Variants in ANKLE2 observed in about 807,000 individuals in gnomAD.
The protein encoded by ANKLE2 is ankyrin repeat and LEM domain containing 2, also known as ankyrin repeat and LEM domain-containing protein 2.
Under a neutral mutation model 84.2 loss-of-function variants are expected in ANKLE2, and 55 were observed. That is an observed-to-expected ratio of 0.65 (90% CI 0.53 to 0.82). ANKLE2 has a LOEUF of 0.82. Ranked by LOEUF, ANKLE2 falls within the 40% of genes least tolerant of loss-of-function variation. ANKLE2 has a pLI of 0.00. For synonymous variants in ANKLE2, 551 were observed against 486.1 expected (o/e 1.13, Z -1.76); for missense variants, 1,238 against 1,201.9 (o/e 1.03, Z -0.44).
At chr12:132,747,702 G>T (rs1820475055) in intron 5 of ANKLE2, 130 bp downstream of exon 5, 28 of 1,166,814 alleles carry the variant, frequency 2.4e-5, no homozygotes, top group Non-Finnish European at 3.3e-5. Flanking sequence ...GCAGGTTGCA[G>T]GGGTGTAATT....
At chr12:132,741,886 G>A (rs1010254789) in intron 6 of ANKLE2, 8 of 460,690 alleles carry the variant, frequency 1.7e-5, no homozygotes, top group African/African-American at 1.6e-4. Flanking sequence ...GGTCAAGGTG[G>A]AGCTCCTAAG....
intron 3 of ANKLE2, chr12:132,748,874 T>C (rs2044296233): frequency 6.7e-6 from 1 of 150,220 alleles, no homozygotes; most frequent in Non-Finnish European, 1.5e-5. Context: ...TATATATATA[T>C]ATATATATAC....
At chr12:132,755,252 T>C (rs1270397276) in intron 1 of ANKLE2, 119 bp from the exon 2 acceptor site, 3 of 1,060,176 alleles carry the variant, frequency 2.8e-6, no homozygotes, top group Admixed American at 5.4e-5. Context: ...CATTAAAAAC[T>C]TTTTTTCTTG....
In ANKLE2 at chr12:132,726,986, A is replaced by T. The variant is rs190291444; in HGVS notation, c.*256T>A. The T allele has an allele frequency of 2.0e-6, 1 of 495,902 alleles. No individual in the cohort carries two copies. Among genetic ancestry groups the T allele is most frequent in the Non-Finnish European group, 3.5e-6 (1 of 285,936 alleles). The allele number at this position is 495,902 out of a possible 1,614,324, so 30.7% of individuals were successfully genotyped here. A position where few individuals can be genotyped will look rare whatever the true frequency, so the allele number is the denominator to read the frequency against. ...ATTTCAGACCTAGAAATTGCCACCT[A>T]AAAAGTCTACCATTACCACATGGAT... On this transcript the variant is annotated 3_prime_UTR_variant, in exon 13 of 13. Transcript: ENST00000357997.
intron 1 of ANKLE2, 68 bp downstream of exon 1, chr12:132,761,550 G>A: frequency 8.6e-7 from 1 of 1,163,082 alleles, no homozygotes; most frequent in Non-Finnish European, 1.1e-6. Context: ...GGGACCCCAG[G>A]CCCGAGGAGG....
rs146379622 is a variant in ANKLE2, at chr12:132,741,694, T to A, written c.1354-209A>T. The A allele has an allele frequency of 1.6e-4, 105 of 667,428 alleles. 3 individuals are homozygous for A. In the East Asian group the frequency reaches 2.9e-3, roughly 18 times the overall value. The allele number at this position is 667,428 out of a possible 1,614,324, so 41.3% of individuals were successfully genotyped here. On this transcript the variant is annotated intron_variant, in intron 6 of 12. Transcript: ENST00000357997. ...CAGCTAGGAGAACACACTCTGGGAT[T>A]ATGGGTAAATTTACTTCTTGTTTGC...
rs2044024944 is a variant in ANKLE2 at position 132,737,025 on chromosome 12, A to G, written c.1461T>C (p.Ser487=). The stretch of plus-strand genomic sequence containing the variant: ...ACCACAGCTCCCCGATGACTGGAGA[A>G]GAAGTCTCTTCCGCTCTCAGGAGGG... ...YVPLLRAEET[S]SPVIGELWSP... is the part of the protein sequence containing the mutation. Residue 487 remains serine (S), a synonymous_variant, in exon 8 of 13, where the codon TCT becomes TCC. Transcript: ENST00000357997. The G allele has an allele frequency of 6.2e-7, 1 of 1,611,514 alleles. No homozygotes were observed. The highest frequency in any genetic ancestry group is 8.5e-7 in the Non-Finnish European group (1 of 1,178,112).
intron 1 of ANKLE2, chr12:132,756,490 A>G (rs1407631551): frequency 6.6e-6 from 1 of 151,666 alleles, no homozygotes; most frequent in Non-Finnish European, 1.5e-5. Flanking sequence ...TGAGATGGCA[A>G]CCCTGCACTC....
intron 7 of ANKLE2, among the ~76,000 whole-genome samples, chr12:132,739,154 G>T (rs2044071994): frequency 6.6e-6 from 1 of 152,004 alleles, no homozygotes; most frequent in Non-Finnish European, 1.5e-5. Context: ...CTACCTCCTG[G>T]GTACTATACT....
chr12:132,737,411 T>A lies in ANKLE2; in HGVS notation c.1421-346A>T, dbSNP rs181736842. 180 of 190,272 alleles carry A rather than the reference T, an allele frequency of 9.5e-4. 1 individual carries two copies. The highest frequency in any genetic ancestry group is 3.9e-3 in the African/African-American group (169 of 42,964). The allele number at this position is 190,272 out of a possible 1,614,324, so 11.8% of individuals were successfully genotyped here. A position where few individuals can be genotyped will look rare whatever the true frequency, so the allele number is the denominator to read the frequency against. On this transcript the variant is annotated intron_variant, in intron 7 of 12. Transcript: ENST00000357997. Reference sequence around the variant, plus strand: ...CACACAGTAGGAGCTTAATACATTTTAAAAATGTTATATTTCATTCCAGCC... The same window carrying A: ...CACACAGTAGGAGCTTAATACATTTAAAAAATGTTATATTTCATTCCAGCC...
rs1315162263 is a variant in ANKLE2 at position 132,736,894 on chromosome 12, T to C, written c.1592A>G (p.Lys531Arg). The C allele has an allele frequency of 6.2e-7, 1 of 1,601,354 alleles. No homozygotes were observed. Among genetic ancestry groups the C allele is most frequent in the East Asian group, 2.2e-5 (1 of 44,574 alleles). The change falls in exon 8 of 13, where the codon AAG becomes AGG. Residue 531 changes from lysine (K) to arginine (R), a missense_variant and splice_region_variant. Coordinates refer to ENST00000357997, the MANE Select transcript of ANKLE2 (RefSeq NM_015114.3). ...CCAGAAGCTTCTACAGCAGCTCACC[T>C]TGGCTGGACTCAGGGGCCCTGCGAA... ...RAFAGPLSPA[K>R]AEDFRKLWKT... is the part of the protein sequence containing the mutation.
chr12:132,744,046 A>G (rs117856966), intron 5 of ANKLE2, among the ~76,000 whole-genome samples: 3,443 of 152,286 alleles, frequency 0.023, 66 homozygotes, highest in South Asian at 0.031. Flanking sequence ...GTCTCCGTCC[A>G]TGACGCTGCG....
At chr12:132,734,043 C>G (rs2043953185) in intron 10 of ANKLE2, 1 of 466,658 alleles carries the variant, frequency 2.1e-6, no homozygotes, top group Non-Finnish European at 4.3e-6. Context: ...CGAGACCAGC[C>G]TGGTCAATAC....
At position 132,735,507 on chromosome 12, in the gene ANKLE2, T is replaced by C; in HGVS notation, c.1599A>G (p.Glu533=). ...FAGPLSPAKA[E]DFRKLWKTPP... ...GAGTTTTCCAGAGCTTGCGAAAATC[T>C]TCTGCCTATGAAGAAAAAAAAATGT... Residue 533 remains glutamate (E), a synonymous_variant, in exon 9 of 13, where the codon GAA becomes GAG. Transcript: ENST00000357997. The C allele has an allele frequency of 1.9e-6, 3 of 1,612,340 alleles. No homozygotes were observed.
chr12:132,725,773 ATTTCT>A lies in ANKLE2; in HGVS notation c.*1464_*1468del, dbSNP rs1426506124. 7 of 152,226 alleles carry A rather than the reference ATTTCT, an allele frequency of 4.6e-5. No individual in the cohort carries two copies. Among genetic ancestry groups the A allele is most frequent in the Non-Finnish European group, 1.0e-4 (7 of 68,028 alleles). 9.4% of individuals were successfully genotyped at this position (152,226 alleles called of 1,614,324 possible). A position where few individuals can be genotyped will look rare whatever the true frequency, so the allele number is the denominator to read the frequency against. On this transcript the variant is annotated 3_prime_UTR_variant, in exon 13 of 13. Coordinates refer to ENST00000357997, the MANE Select transcript of ANKLE2 (RefSeq NM_015114.3). ...CATCACTACGAATATCCATATTCTG[ATTTCT>A]TTTGAGAACCAAGGTGCCTTTTAAA...
chr12:132,728,232 CT>C (rs370463941), intron 11 of ANKLE2, 69 bp from the exon 12 acceptor site: 7,128 of 1,345,676 alleles, frequency 5.3e-3, no homozygotes, highest in Admixed American at 5.8e-3. Flanking sequence ...AATACCACTA[CT>C]TTTTTTTTTA....
At chr12:132,756,195 C>A (rs1240997660) in intron 1 of ANKLE2, 1 of 151,704 alleles carries the variant, frequency 6.6e-6, no homozygotes, top group Non-Finnish European at 1.5e-5. Flanking sequence ...CATGGTGAAA[C>A]CCTGTCTCTA....
At chr12:132,738,943 G>A (rs2044067807) in intron 7 of ANKLE2, 2 of 152,208 alleles carry the variant, frequency 1.3e-5, no homozygotes, top group African/African-American at 2.4e-5. Context: ...TTAAGAACAA[G>A]ATCATGTCCT....
At chr12:132,737,122 T>C in intron 7 of ANKLE2, 57 bp from the exon 8 acceptor site, 1 of 1,525,828 alleles carries the variant, frequency 6.6e-7, no homozygotes, top group Non-Finnish European at 8.8e-7. Flanking sequence ...AGGTCAGGCC[T>C]GGGTGAGCAG....
Sources: gnomAD v4.1 joint callset for allele counts (sites outside exome capture counted in the v4.1 genomes callset) on GRCh38, gnomAD v4.1.1 for gene constraint, MANE v1.5 for transcripts, NCBI Gene and HGNC (gene_info 2026-07-23, HGNC 2026-07-21) for gene names.